The following ARFGAP1 variants were observed in gnomAD, a reference collection of about 807,000 sequenced individuals.
ARFGAP1 encodes the protein ARF GTPase activating protein 1.
ARFGAP1 carries 26 observed loss-of-function variants against 54.0 expected under a neutral mutation model. The observed-to-expected ratio is 0.48, with a 90% CI of 0.35 to 0.67. ARFGAP1 has a LOEUF of 0.67. ARFGAP1 is among the 30% of genes least tolerant of loss of function. ARFGAP1 has a pLI of 0.00. For synonymous variants in ARFGAP1, 248 were observed against 211.9 expected (o/e 1.17, Z -1.48); for missense variants, 525 against 535.8 (o/e 0.98, Z 0.20).
rs1184533891 is a variant in ARFGAP1 at position 63,275,620 on chromosome 20, A to G, written c.40A>G (p.Arg14Gly). Residue 14 changes from arginine (R) to glycine (G), a missense_variant, in exon 2 of 13, where the codon AGG (arginine) becomes GGG (glycine). Coordinates refer to ENST00000370283, the MANE Select transcript of ARFGAP1 (RefSeq NM_018209.4). ...AACCAGGAAGGTTCTTAAAGAAGTC[A>G]GGGTGCAGGATGAGAACAACGTAAG... ...PRTRKVLKEV[R>G]VQDENNVCFE... 1.2e-6 allele frequency: 2 copies of G among 1,613,926 alleles called. No individual in the cohort carries two copies. The highest frequency in any genetic ancestry group is 3.3e-5 in the Admixed American group (2 of 60,026).
chr20:63,282,806 T>G lies in ARFGAP1; in HGVS notation c.685-13T>G. On this transcript the variant is annotated splice_polypyrimidine_tract_variant and intron_variant, in intron 8 of 12. Coordinates refer to ENST00000370283, the MANE Select transcript of ARFGAP1 (RefSeq NM_018209.4). ...TTAAGTCTGTCAAGCCTTGTCTTTG[T>G]TTTTCATTTTAGGCTACAAAGTTTG... is the stretch of plus-strand genomic sequence containing the variant. The G allele has an allele frequency of 6.2e-7, 1 of 1,614,054 alleles. No individual in the cohort carries two copies.
At chr20:63,280,492 C>T (rs1401052789) in intron 7 of ARFGAP1, among the ~76,000 whole-genome samples, 2 of 152,222 alleles carry the variant, frequency 1.3e-5, no homozygotes, top group African/African-American at 4.8e-5. Flanking sequence ...ATGACAAGAT[C>T]TTCAAAGTCT....
intron 7 of ARFGAP1, among the ~76,000 whole-genome samples, chr20:63,280,222 C>G (rs937066271): frequency 6.6e-6 from 1 of 152,212 alleles, no homozygotes; most frequent in Admixed American, 6.5e-5. Flanking sequence ...ACGGGGGCTG[C>G]TTAAACGGGA....
In ARFGAP1 at chr20:63,284,877, G is replaced by A. The variant is rs2067485013; in HGVS notation, c.729G>A (p.Leu243=). The A allele has an allele frequency of 6.2e-7, 1 of 1,612,998 alleles. No individual in the cohort carries two copies. The highest frequency in any genetic ancestry group is 1.1e-5 in the South Asian group (1 of 91,074). The part of the protein sequence containing the change: ...GSQASQKASE[L]GHSLNENVLK... Reference sequence around the variant, plus strand: ...TTCCCTTCCTACAGGCGTCCGAGCTGGGCCACAGCCTGAACGAGAACGTCC... The same window carrying A: ...TTCCCTTCCTACAGGCGTCCGAGCTAGGCCACAGCCTGAACGAGAACGTCC... Residue 243 remains leucine (L), a synonymous_variant, in exon 10 of 13, where the codon CTG becomes CTA. Transcript: ENST00000370283.
chr20:63,287,851 G>T lies in ARFGAP1; in HGVS notation c.1199G>T (p.Gly400Val). Residue 400 changes from glycine (G) to valine (V), a missense_variant, in exon 13 of 13, where the codon GGC (glycine) becomes GTC (valine). By Grantham distance (109) the Gly-to-Val change is moderately radical. Around this residue, in one of 3 missense-constraint regions of ARFGAP1, gnomAD observed 466 missense variants for 453.6 expected, o/e 1.03. Transcript: ENST00000370283. Reference protein sequence around the residue: ...AVPPAVPTDDGWDNQNW With the variant: ...AVPPAVPTDDVWDNQNW ...CCGCCGGCCGTGCCCACTGATGATGGCTGGGACAACCAGAACTGGTAGGGC... is the reference window on the plus strand; with the variant it reads ...CCGCCGGCCGTGCCCACTGATGATGTCTGGGACAACCAGAACTGGTAGGGC... 2 of 1,557,638 alleles carry T rather than the reference G, an allele frequency of 1.3e-6. No individual in the cohort carries two copies. The highest frequency in any genetic ancestry group is 1.7e-6 in the Non-Finnish European group (2 of 1,151,006).
rs372688461 is a variant in ARFGAP1 at position 63,284,889 on chromosome 20, G to C, written c.741G>C (p.Leu247=). 2.5e-5 allele frequency: 40 copies of C among 1,612,980 alleles called. No individual in the cohort carries two copies. Among genetic ancestry groups the C allele is most frequent in the Admixed American group, 1.7e-5 (1 of 59,980 alleles). ...SQKASELGHS[L]NENVLKPAQE... ...AGGCGTCCGAGCTGGGCCACAGCCTGAACGAGAACGTCCTCAAGCCTGCGC... is the reference window on the plus strand; with the variant it reads ...AGGCGTCCGAGCTGGGCCACAGCCTCAACGAGAACGTCCTCAAGCCTGCGC... The change falls in exon 10 of 13, where the codon CTG becomes CTC. Residue 247 remains leucine (L), a synonymous_variant. Transcript: ENST00000370283.
intron 12 of ARFGAP1, chr20:63,286,885 G>A (rs936551831): frequency 5.4e-6 from 1 of 185,862 alleles, no homozygotes; most frequent in East Asian, 1.6e-4. Flanking sequence ...GAAGGCTAGG[G>A]CCCCAGAGAC....
At chr20:63,281,931 C>G (rs1457203262) in intron 8 of ARFGAP1, among the ~76,000 whole-genome samples, 1 of 152,138 alleles carries the variant, frequency 6.6e-6, no homozygotes, top group Non-Finnish European at 1.5e-5. Flanking sequence ...GTGCCTGCAG[C>G]TGCCCGCAGA....
chr20:63,279,127 T>A, intron 7 of ARFGAP1, 132 bp downstream of exon 7: 2 of 901,688 alleles, frequency 2.2e-6, no homozygotes, highest in Non-Finnish European at 3.5e-6. Context: ...GACCCCTCCC[T>A]TACCTTCAGC....
In ARFGAP1 at chr20:63,275,968, C is replaced by T. The variant is rs564868173; in HGVS notation, c.61-123C>T. ...TCTTTCCCCTCACGCCTTGCCCTGA[C>T]CCACACCCCCGGCCACCCTGGGCAG... On this transcript the variant is annotated intron_variant, in intron 2 of 12. Coordinates refer to ENST00000370283, the MANE Select transcript of ARFGAP1 (RefSeq NM_018209.4). The T allele has an allele frequency of 4.7e-4, 404 of 855,624 alleles. 4 individuals carry two copies. Among genetic ancestry groups the T allele is most frequent in the South Asian group, 4.1e-3 (284 of 69,566 alleles). The allele number at this position is 855,624 out of a possible 1,614,324, so 53.0% of individuals were successfully genotyped here.
intron 9 of ARFGAP1, chr20:63,284,419 C>T (rs1392114954): frequency 1.3e-5 from 14 of 1,078,568 alleles, no homozygotes; most frequent in Non-Finnish European, 1.6e-5. Flanking sequence ...GAGCTCCTTT[C>T]TCAGCAGCTT....
chr20:63,277,122 TG>T (rs1349716974), intron 4 of ARFGAP1, 82 bp from the exon 5 acceptor site: 20 of 1,236,702 alleles, frequency 1.6e-5, no homozygotes, highest in African/African-American at 4.5e-5. Context: ...AGGCGGGCCG[TG>T]GGGGGTGCGC....
rs372071021 is a variant in ARFGAP1, at chr20:63,277,225, C to G, written c.363C>G (p.Gly121=). Residue 121 remains glycine (G), a synonymous_variant, in exon 5 of 13, where the codon GGC becomes GGG. Coordinates refer to ENST00000370283, the MANE Select transcript of ARFGAP1 (RefSeq NM_018209.4). ...FRDKVVALAE[G]REWSLESSPA... ...GTCAGGTGGTCGCTCTGGCCGAAGG[C>G]AGAGAGTGGTCTCTGGAGTCATCAC... 10 of 1,612,600 alleles carry G rather than the reference C, an allele frequency of 6.2e-6. No individual in the cohort carries two copies. The highest frequency in any genetic ancestry group is 5.9e-6 in the Non-Finnish European group (7 of 1,179,904).
In ARFGAP1 at chr20:63,276,507, G is replaced by A. The variant is rs151307924; in HGVS notation, c.198G>A (p.Lys66=). The part of the protein sequence containing the change: ...LSFVRSVTMD[K]WKDIELEKMK... Reference sequence around the variant, plus strand: ...TTGTGCGCTCTGTTACTATGGACAAGTGGAAGGACATTGAGCTTGAGAAGA... The same window carrying A: ...TTGTGCGCTCTGTTACTATGGACAAATGGAAGGACATTGAGCTTGAGAAGA... The change falls in exon 4 of 13, where the codon AAG becomes AAA. Residue 66 remains lysine, a synonymous_variant. Coordinates refer to ENST00000370283, the MANE Select transcript of ARFGAP1 (RefSeq NM_018209.4). The surrounding 1 kb of genome is among the most constrained non-coding windows in gnomAD (Gnocchi z 5.2). 72 of 1,613,660 alleles carry A rather than the reference G, an allele frequency of 4.5e-5. No individual in the cohort carries two copies. The African/African-American group carries it at 5.6e-4, about 13-fold the overall frequency.
chr20:63,284,562 C>T (rs922602332), intron 9 of ARFGAP1: 3 of 1,263,084 alleles, frequency 2.4e-6, no homozygotes, highest in South Asian at 1.7e-5. Context: ...ACAGGCTCCA[C>T]AGGGCCTGTT....
At chr20:63,273,243 A>T (rs1202629604) in intron 1 of ARFGAP1, 1 of 134,720 alleles carries the variant, frequency 7.4e-6, no homozygotes, top group East Asian at 2.3e-4. Flanking sequence ...CGGTTACGGG[A>T]GTCCAGAGGG....
chr20:63,284,669 G>A lies in ARFGAP1; in HGVS notation c.718-197G>A, dbSNP rs954130248. On this transcript the variant is annotated intron_variant, in intron 9 of 12. Coordinates refer to ENST00000370283, the MANE Select transcript of ARFGAP1 (RefSeq NM_018209.4). The stretch of plus-strand genomic sequence containing the variant: ...AGAATTGGTGGGGGCCGCGGTCTCC[G>A]CCTTCTAGAGGTGGCGGCCTACTGC... 1.8e-4 allele frequency: 261 copies of A among 1,423,424 alleles called. 1 individual carries two copies. The highest frequency in any genetic ancestry group is 5.6e-4 in the Admixed American group (22 of 38,944). 88.2% of individuals were successfully genotyped at this position (1,423,424 alleles called of 1,614,324 possible).
rs1040207582 is a variant in ARFGAP1, at chr20:63,288,568, T to C, written c.*695T>C. 4.2e-5 allele frequency: 19 copies of C among 451,096 alleles called. No homozygotes were observed. In the Admixed American group the frequency reaches 4.2e-4, roughly 10 times the overall value. 27.9% of individuals were successfully genotyped at this position (451,096 alleles called of 1,614,324 possible). ...CCTGAGCTGTTCTCAGTGCTGGAAC[T>C]TGACCATCCTGGAACACCCTGGAAG... On this transcript the variant is annotated 3_prime_UTR_variant, in exon 13 of 13. Coordinates refer to ENST00000370283, the MANE Select transcript of ARFGAP1 (RefSeq NM_018209.4).
In ARFGAP1 at chr20:63,284,293, C is replaced by T. The variant is rs2067464963; in HGVS notation, c.718-573C>T. ...ATCTTTGCTCTGTGACGAGTTCTTC[C>T]CTTTCCGGCCTTTGATCCGTGCTGC... is the stretch of plus-strand genomic sequence containing the variant. On this transcript the variant is annotated intron_variant, in intron 9 of 12. Transcript: ENST00000370283. The T allele has an allele frequency of 3.7e-6, 4 of 1,086,126 alleles. No homozygotes were observed. The South Asian group carries it at 1.4e-4, about 37-fold the overall frequency. The allele number at this position is 1,086,126 out of a possible 1,614,324, so 67.3% of individuals were successfully genotyped here.
Sources: allele counts gnomAD v4.1 joint callset (sites outside exome capture counted in the v4.1 genomes callset), GRCh38; gene constraint gnomAD v4.1.1; regional missense constraint gnomAD v4.1.1; non-coding constraint Gnocchi (gnomAD v3.1); transcripts MANE v1.5; gene names NCBI Gene and HGNC (gene_info 2026-07-23, HGNC 2026-07-21).